PCDHGA1: variants seen among roughly 807,000 people sequenced by gnomAD.
PCDHGA1 encodes protocadherin gamma-A1.
Under a neutral mutation model 58.0 loss-of-function variants are expected in PCDHGA1, and 32 were observed. That is an observed-to-expected ratio of 0.55 (90% CI 0.42 to 0.74). PCDHGA1 has a LOEUF of 0.74. PCDHGA1 is among the 30% of genes least tolerant of loss of function. The probability of loss-of-function intolerance (pLI) is 0.00; values close to 1 mark genes in which losing one functional copy is unlikely to be tolerated. For missense variants in PCDHGA1, 1,205 were observed against 1,182.3 expected, an observed-to-expected ratio of 1.02 and a Z score of -0.28; for synonymous variants, 498 against 501.1, an observed-to-expected ratio of 0.99 and a Z score of 0.08.
intron 1 of PCDHGA1, chr5:141,387,669 T>A: frequency 1.4e-6 from 1 of 693,784 alleles, no homozygotes; most frequent in East Asian, 2.8e-5. Context: ...GCGCTCCAGA[T>A]CTCCTCGCGC....
intron 1 of PCDHGA1, chr5:141,376,546 T>TC (rs1388461293): frequency 6.2e-7 from 1 of 1,612,610 alleles, no homozygotes; most frequent in Non-Finnish European, 8.5e-7. Context: ...AGTAATCTGA[T>TC]CTTCCCGCAA....
chr5:141,445,621 G>A (rs1216813961), intron 1 of PCDHGA1, among the ~76,000 whole-genome samples: 4 of 151,996 alleles, frequency 2.6e-5, no homozygotes, highest in African/African-American at 7.2e-5. Flanking sequence ...TCTTTTTTTC[G>A]GAAAGTGATA....
intron 1 of PCDHGA1, among the ~76,000 whole-genome samples, chr5:141,454,773 G>A (rs1272535268): frequency 6.9e-6 from 1 of 144,540 alleles, no homozygotes; most frequent in East Asian, 2.0e-4. Flanking sequence ...TTTTTTACAA[G>A]GAAATAATCC....
intron 1 of PCDHGA1, chr5:141,361,945 C>T (rs1762247268): frequency 6.2e-7 from 1 of 1,604,808 alleles, no homozygotes; most frequent in African/African-American, 1.3e-5. Flanking sequence ...CAACGCTTGG[C>T]TGTCCTACCA....
chr5:141,349,833 T>C (rs1171472394), intron 1 of PCDHGA1, among the ~76,000 whole-genome samples: 1 of 152,180 alleles, frequency 6.6e-6, no homozygotes, highest in Non-Finnish European at 1.5e-5. Flanking sequence ...GCAGTGTACC[T>C]TGTGAATTTT....
chr5:141,333,547 G>A (rs1756472663), intron 1 of PCDHGA1: 1 of 220,614 alleles, frequency 4.5e-6, no homozygotes, highest in Non-Finnish European at 8.8e-6. Context: ...TCATCTGTCA[G>A]GACACTGTGA....
At chr5:141,395,379 C>A in intron 1 of PCDHGA1, 1 of 1,139,610 alleles carries the variant, frequency 8.8e-7, no homozygotes, top group Non-Finnish European at 1.2e-6. Flanking sequence ...GGTGGTGTTA[C>A]TATAAAATTG....
intron 1 of PCDHGA1, chr5:141,372,308 C>T (rs1343054904): frequency 1.2e-6 from 2 of 1,613,474 alleles, no homozygotes; most frequent in South Asian, 2.2e-5. Flanking sequence ...GGGAGGCCGC[C>T]CGCCAGCGCC....
At chr5:141,360,525 C>T in intron 1 of PCDHGA1, 1 of 1,613,772 alleles carries the variant, frequency 6.2e-7, no homozygotes, top group African/African-American at 1.3e-5. Flanking sequence ...ATGATAATAC[C>T]CCGCTATTCA....
At chr5:141,339,389 C>T in intron 1 of PCDHGA1, 1 of 1,614,168 alleles carries the variant, frequency 6.2e-7, no homozygotes, top group Non-Finnish European at 8.5e-7. Flanking sequence ...GGAACTGGAG[C>T]TAAAAATCAG....
In PCDHGA1 at chr5:141,331,880, A is replaced by G. The variant is rs1344746968; in HGVS notation, c.1196A>G (p.Asp399Gly). The G allele has an allele frequency of 6.2e-7, 1 of 1,614,178 alleles. No homozygotes were observed. The highest frequency in any genetic ancestry group is 8.5e-7 in the Non-Finnish European group (1 of 1,180,028). ...NLPFKLEKLV[D>G]NYYRLVTERT... The stretch of plus-strand genomic sequence containing the variant: ...CCCTTTAAATTGGAAAAGTTAGTTG[A>G]TAATTATTACCGTTTAGTGACTGAA... Residue 399 changes from aspartate to glycine, a missense_variant, in exon 1 of 4, where the codon GAT (aspartate) becomes GGT (glycine). Coordinates refer to ENST00000517417, the MANE Select transcript of PCDHGA1 (RefSeq NM_018912.3).
chr5:141,499,012 G>GGAAGGAAT, intron 2 of PCDHGA1, among the ~76,000 whole-genome samples: 1 of 147,618 alleles, frequency 6.8e-6, no homozygotes. Context: ...AAGGAAGGAA[G>GGAAGGAAT]GAAGGAAGGA....
intron 1 of PCDHGA1, chr5:141,389,451 C>T: frequency 6.2e-7 from 1 of 1,610,536 alleles, no homozygotes; most frequent in South Asian, 1.1e-5. Context: ...CCACGAGCAG[C>T]TGCGCGCCTT....
In PCDHGA1 at chr5:141,432,177, CTG is replaced by C. The variant is rs769631339; in HGVS notation, c.2422-62627_2422-62626del. 4 of 1,614,102 alleles carry C rather than the reference CTG, an allele frequency of 2.5e-6. No homozygotes were observed. Among genetic ancestry groups the C allele is most frequent in the Admixed American group, 1.7e-5 (1 of 60,012 alleles). ...AATCCCAGAGGAGTTTCCCTCGTCT[CTG>C]TGACCGCCCACGACCCCGACTGTGA... On this transcript the variant is annotated intron_variant, in intron 1 of 3. Transcript: ENST00000517417. The surrounding 1 kb of genome is among the most constrained non-coding windows in gnomAD (Gnocchi z 6.0).
At chr5:141,404,782 G>A in intron 1 of PCDHGA1, 1 of 1,613,964 alleles carries the variant, frequency 6.2e-7, no homozygotes. Context: ...GCCTATTCAA[G>A]GCCAGTGAGC....
rs751024373 is a variant in PCDHGA1, at chr5:141,491,801, G to A, written c.2422-3006G>A. On this transcript the variant is annotated intron_variant, in intron 1 of 3. Coordinates refer to ENST00000517417, the MANE Select transcript of PCDHGA1 (RefSeq NM_018912.3). The surrounding 1 kb of genome is among the most constrained non-coding windows in gnomAD (Gnocchi z 6.9). ...AACTTGCATCCACTCCTCTCCGGCC[G>A]GCTTGGTCGCTGGCTGCGCTCCACC... 2.7e-6 allele frequency: 4 copies of A among 1,500,726 alleles called. No homozygotes were observed. The Admixed American group carries it at 7.3e-5, about 28-fold the overall frequency. 93.0% of individuals were successfully genotyped at this position (1,500,726 alleles called of 1,614,324 possible). A position where few individuals can be genotyped will look rare whatever the true frequency, so the allele number is the denominator to read the frequency against.
rs761155361 is a variant in PCDHGA1, at chr5:141,365,110, G to A, written c.2421+32005G>A. 2.5e-6 allele frequency: 4 copies of A among 1,613,868 alleles called. No homozygotes were observed. In the South Asian group the frequency reaches 4.4e-5, roughly 18 times the overall value. On this transcript the variant is annotated intron_variant, in intron 1 of 3. Transcript: ENST00000517417. ...CAGAGAACATACCTGTGGGCACTCG[G>A]CTGCTCATGCTAACCGCCACGGATC...
Position 141,490,705 on chromosome 5 carries a change from C to T in PCDHGA1, c.2422-4102C>T. 1 of 1,614,194 alleles carries T rather than the reference C, an allele frequency of 6.2e-7. No individual in the cohort carries two copies. Among genetic ancestry groups the T allele is most frequent in the South Asian group, 1.1e-5 (1 of 91,082 alleles). On this transcript the variant is annotated intron_variant, in intron 1 of 3. Coordinates refer to ENST00000517417, the MANE Select transcript of PCDHGA1 (RefSeq NM_018912.3). This position sits in a 1 kb window ranked among gnomAD's most constrained non-coding sequence, Gnocchi z 5.4. ...TCCAGACACTGGGGATAATGCCCGC[C>T]TCACCTACTCCATTGTAGGAAATCA...
In PCDHGA1 at chr5:141,351,767, G is replaced by A. The variant is rs371048978; in HGVS notation, c.2421+18662G>A. On this transcript the variant is annotated intron_variant, in intron 1 of 3. Coordinates refer to ENST00000517417, the MANE Select transcript of PCDHGA1 (RefSeq NM_018912.3). ...GCGGGAGCTGTTGTCCTACGTGTCC[G>A]TGAGCCCGCAGAGCGGGGTGGTGTT... 379 of 1,613,510 alleles carry A rather than the reference G, an allele frequency of 2.3e-4. 3 individuals are homozygous for A. The East Asian group carries it at 7.6e-3, about 32-fold the overall frequency.
Sources: allele counts gnomAD v4.1 joint callset (sites outside exome capture counted in the v4.1 genomes callset), GRCh38; gene constraint gnomAD v4.1.1; non-coding constraint Gnocchi (gnomAD v3.1); transcripts MANE v1.5; gene names NCBI Gene and HGNC (gene_info 2026-07-23, HGNC 2026-07-21).